The following THSD7B variants were observed in gnomAD, a reference collection of about 807,000 sequenced individuals.
THSD7B encodes thrombospondin type-1 domain-containing protein 7B.
THSD7B carries 138 observed loss-of-function variants against 213.6 expected under a neutral mutation model. The observed-to-expected ratio is 0.65, with a 90% confidence interval of 0.56 to 0.74. The LOEUF (loss-of-function observed/expected upper bound fraction) is 0.74. Among genes scored for constraint, THSD7B ranks in the 30% least tolerant of loss-of-function variants. The pLI, the probability that THSD7B is intolerant of heterozygous loss-of-function variation, is 0.00. For synonymous variants in THSD7B, 742 were observed against 687.0 expected (o/e 1.08, Z -1.25); for missense variants, 1,931 against 1,991.5 (o/e 0.97, Z 0.58).
At chr2:137,572,967 G>A (rs1200112895) in intron 17 of THSD7B, among the ~76,000 whole-genome samples, 1 of 151,590 alleles carries the variant, frequency 6.6e-6, no homozygotes, top group Non-Finnish European at 1.5e-5. Context: ...TTTAGCTTCT[G>A]TTAGTGATGA....
chr2:137,623,015 G>C (rs1271223135), intron 20 of THSD7B, among the ~76,000 whole-genome samples: 1 of 152,132 alleles, frequency 6.6e-6, no homozygotes, highest in Admixed American at 6.5e-5. Context: ...GCCTGGCAGA[G>C]ACACAACAAA....
chr2:137,229,909 C>T (rs1460619654), intron 7 of THSD7B, among the ~76,000 whole-genome samples: 1 of 152,114 alleles, frequency 6.6e-6, no homozygotes, highest in East Asian at 1.9e-4. Flanking sequence ...TAGTCCCCTT[C>T]GCGTTTATTT....
At chr2:137,279,319 T>C (rs1682943133) in intron 12 of THSD7B, among the ~76,000 whole-genome samples, 1 of 152,078 alleles carries the variant, frequency 6.6e-6, no homozygotes, top group African/African-American at 2.4e-5. Context: ...GAGGATTCCT[T>C]GAGCTCAAGA....
chr2:137,135,049 G>A (rs762204716), intron 5 of THSD7B, among the ~76,000 whole-genome samples: 2 of 152,084 alleles, frequency 1.3e-5, no homozygotes, highest in Non-Finnish European at 2.9e-5. Context: ...ACAGCCTTGC[G>A]AGTCTGTTGT....
intron 5 of THSD7B, among the ~76,000 whole-genome samples, chr2:137,131,792 A>G (rs1573842618): frequency 6.6e-6 from 1 of 152,302 alleles, no homozygotes; most frequent in South Asian, 2.1e-4. Context: ...GCCTTGTAGT[A>G]TAGTTTGAAG....
At chr2:137,353,377 G>A (rs1163268750) in intron 12 of THSD7B, among the ~76,000 whole-genome samples, 1 of 151,988 alleles carries the variant, frequency 6.6e-6, no homozygotes, top group Non-Finnish European at 1.5e-5. Context: ...AGCTATCCAC[G>A]AGGCCAAGTT....
rs550524607 is a variant in THSD7B at position 136,876,277 on chromosome 2, G to A, written c.-35-5867G>A. Among the ~76,000 whole-genome samples, 19 of 152,220 alleles carry A rather than the reference G, an allele frequency of 1.2e-4. No individual in the cohort carries two copies. In the South Asian group the frequency reaches 3.5e-3, roughly 28 times the overall value. On this transcript the variant is annotated intron_variant, in intron 1 of 27. Transcript: ENST00000409968. ...ATTATATATAGAAGACCACTCATTT[G>A]CTTTCCCAGGGGTATATTTTTAAAC... is the stretch of plus-strand genomic sequence containing the variant.
chr2:137,265,237 A>C (rs1403925055), intron 10 of THSD7B, among the ~76,000 whole-genome samples: 2 of 152,226 alleles, frequency 1.3e-5, no homozygotes, highest in Non-Finnish European at 2.9e-5. Context: ...TGGCCATCAG[A>C]GAAATGCAAA....
At chr2:137,233,681 T>C (rs1681695460) in intron 9 of THSD7B, among the ~76,000 whole-genome samples, 1 of 152,128 alleles carries the variant, frequency 6.6e-6, no homozygotes, top group African/African-American at 2.4e-5. Context: ...TAGCAAAATA[T>C]GGGCTTGGAA....
chr2:137,660,506 C>T (rs1683321920), intron 25 of THSD7B, among the ~76,000 whole-genome samples: 1 of 152,080 alleles, frequency 6.6e-6, no homozygotes, highest in Admixed American at 6.6e-5. Flanking sequence ...ACAGAAAAGA[C>T]AGTGGGTCAG....
chr2:137,056,149 G>A (rs1292563063), intron 2 of THSD7B, among the ~76,000 whole-genome samples: 1 of 152,138 alleles, frequency 6.6e-6, no homozygotes, highest in Non-Finnish European at 1.5e-5. Flanking sequence ...CTACAAGTCG[G>A]TGCTTTTATT....
At chr2:137,667,493 A>G (rs1398330254) in intron 26 of THSD7B, among the ~76,000 whole-genome samples, 1 of 152,210 alleles carries the variant, frequency 6.6e-6, no homozygotes, top group African/African-American at 2.4e-5. Context: ...CCATGTAATA[A>G]CATTTAAGGT....
intron 2 of THSD7B, among the ~76,000 whole-genome samples, chr2:136,941,039 T>C (rs920251154): frequency 2.6e-5 from 4 of 152,044 alleles, no homozygotes; most frequent in Admixed American, 2.0e-4. Flanking sequence ...CAGTGTGTGA[T>C]GTTCCCCTCC....
At chr2:137,360,798 G>A (rs530174169) in intron 12 of THSD7B, among the ~76,000 whole-genome samples, 145 of 152,332 alleles carry the variant, frequency 9.5e-4, no homozygotes, top group African/African-American at 3.0e-3. Flanking sequence ...TGAACAAAAG[G>A]CAGCAGAAAC....
At chr2:137,312,077 A>G (rs966913312) in intron 12 of THSD7B, among the ~76,000 whole-genome samples, 2 of 150,982 alleles carry the variant, frequency 1.3e-5, no homozygotes, top group African/African-American at 2.4e-5. Flanking sequence ...TTTCAGAAGG[A>G]ATGGTACCAG....
intron 2 of THSD7B, among the ~76,000 whole-genome samples, chr2:137,035,562 GT>G (rs566984360): frequency 2.1e-4 from 31 of 144,632 alleles, no homozygotes; most frequent in African/African-American, 3.3e-4. Flanking sequence ...GTTTTGTTTT[GT>G]TTTTTTTTTT....
intron 21 of THSD7B, among the ~76,000 whole-genome samples, chr2:137,642,954 C>A (rs1014521877): frequency 6.6e-6 from 1 of 152,016 alleles, no homozygotes; most frequent in African/African-American, 2.4e-5. Context: ...TTTAATTAGG[C>A]GAAAATCCTG....
intron 2 of THSD7B, among the ~76,000 whole-genome samples, chr2:137,009,137 G>A (rs1227805127): frequency 6.6e-6 from 1 of 152,196 alleles, no homozygotes; most frequent in Non-Finnish European, 1.5e-5. Flanking sequence ...GAGTGTCAGA[G>A]AGTGAGGGTG....
At chr2:137,444,592 C>A (rs930992202) in intron 14 of THSD7B, among the ~76,000 whole-genome samples, 1 of 151,686 alleles carries the variant, frequency 6.6e-6, no homozygotes, top group Non-Finnish European at 1.5e-5. Context: ...TGAAACTAGA[C>A]CTCTATCCCT....
Sources: allele counts gnomAD v4.1 joint callset (sites outside exome capture counted in the v4.1 genomes callset), GRCh38; gene constraint gnomAD v4.1.1; transcripts MANE v1.5; gene names NCBI Gene and HGNC (gene_info 2026-07-23, HGNC 2026-07-21).